The following ADCY5 variants were observed in gnomAD, a reference collection of about 807,000 sequenced individuals.
The protein encoded by ADCY5 is adenylate cyclase 5.
In ADCY5, 30 loss-of-function variants were observed where a neutral mutation model predicts 119.7. That is an observed-to-expected ratio of 0.25 (90% CI 0.19 to 0.34). The LOEUF is 0.34. ADCY5 is among the 10% of genes least tolerant of loss of function. The probability of loss-of-function intolerance (pLI) is 1.00; values close to 1 mark genes in which losing one functional copy is unlikely to be tolerated. For synonymous variants in ADCY5, 753 were observed against 762.2 expected (o/e 0.99, Z 0.20); for missense variants, 1,324 against 1,775.2 (o/e 0.75, Z 4.57).
intron 4 of ADCY5, among the ~76,000 whole-genome samples, chr3:123,332,203 T>C (rs1052450746): frequency 1.3e-5 from 2 of 152,254 alleles, no homozygotes; most frequent in Admixed American, 6.5e-5. Flanking sequence ...GGAATGTAGC[T>C]TGATGGCCCC....
chr3:123,337,261 C>A (rs1942067553), intron 3 of ADCY5, among the ~76,000 whole-genome samples: 1 of 152,180 alleles, frequency 6.6e-6, no homozygotes, highest in Admixed American at 6.5e-5. Flanking sequence ...TACGACCCAG[C>A]CCTTAGGAAA....
chr3:123,285,623 T>G (rs915930548), intron 20 of ADCY5, among the ~76,000 whole-genome samples: 5 of 152,208 alleles, frequency 3.3e-5, no homozygotes, highest in Non-Finnish European at 5.9e-5. Context: ...ACTGTGTTAC[T>G]AGCTGCAGTT....
intron 1 of ADCY5, among the ~76,000 whole-genome samples, chr3:123,422,685 C>T (rs992980155): frequency 1.3e-5 from 2 of 152,210 alleles, no homozygotes; most frequent in African/African-American, 4.8e-5. Context: ...AGCCAGAATG[C>T]CCAGCTGTAA....
intron 14 of ADCY5, 62 bp from the exon 15 acceptor site, chr3:123,300,357 C>A: frequency 6.4e-7 from 1 of 1,551,054 alleles, no homozygotes; most frequent in East Asian, 2.3e-5. Flanking sequence ...GCCCTGGCCC[C>A]ATGCATCCTC....
At chr3:123,373,937 A>G (rs1332929036) in intron 1 of ADCY5, among the ~76,000 whole-genome samples, 1 of 152,184 alleles carries the variant, frequency 6.6e-6, no homozygotes, top group East Asian at 1.9e-4. Flanking sequence ...TCGATGGAGA[A>G]GTTTCTAGTG....
chr3:123,319,303 A>G (rs566554564), intron 10 of ADCY5, among the ~76,000 whole-genome samples: 1 of 150,868 alleles, frequency 6.6e-6, no homozygotes, highest in Non-Finnish European at 1.5e-5. Flanking sequence ...GCAGTGAGCC[A>G]AGATCAAGCC....
chr3:123,303,237 G>T lies in ADCY5; in HGVS notation c.2560-18C>A, dbSNP rs774125403. The T allele has an allele frequency of 1.1e-5, 18 of 1,608,852 alleles. No homozygotes were observed. The South Asian group carries it at 1.9e-4, about 17-fold the overall frequency. ...CACGTGAACTGGGGGGAGGAAGGAG[G>T]GTGATGAGGGGAGGGTAAGCTGCTG... On this transcript the variant is annotated intron_variant, in intron 13 of 20. Transcript: ENST00000462833.
In ADCY5 at chr3:123,289,682, G is replaced by C. The variant is rs576938036; in HGVS notation, c.3532+68C>G. 2.8e-5 allele frequency: 44 copies of C among 1,562,154 alleles called. 1 individual carries two copies. The African/African-American group carries it at 4.9e-4, about 17-fold the overall frequency. ...CAATGGCGGATGCGGTATGGGGTATGGGGGAGCCCCTGCCAGCCCTCTGCC... is the reference window on the plus strand; with the variant it reads ...CAATGGCGGATGCGGTATGGGGTATCGGGGAGCCCCTGCCAGCCCTCTGCC... On this transcript the variant is annotated intron_variant, in intron 19 of 20. Transcript: ENST00000462833.
At position 123,303,155 on chromosome 3, in the gene ADCY5, T is replaced by G. The variant is rs117121840; in HGVS notation, c.2624A>C (p.Gln875Pro). Reference protein sequence around the residue: ...LAQEHNISASQVNACHVAESA... With the variant: ...LAQEHNISASPVNACHVAESA... ...CTCCGCCACGTGACACGCGTTGACC[T>G]GGCTCGCGCTGATGTTGTGCTCCTG... The change falls in exon 14 of 21, where the codon CAG (glutamine) becomes CCG (proline). Residue 875 changes from glutamine (Q) to proline (P), a missense_variant. Transcript: ENST00000462833. 6.2e-7 allele frequency: 1 copy of G among 1,613,896 alleles called. No homozygotes were observed. The highest frequency in any genetic ancestry group is 1.3e-5 in the African/African-American group (1 of 75,058).
rs1054565666 is a variant in ADCY5, at chr3:123,282,321, A to T, written c.*2287T>A. On this transcript the variant is annotated 3_prime_UTR_variant, in exon 21 of 21. Transcript: ENST00000462833. ...TTACCAGTGAAAGTGTTTAATAGTT[A>T]AATTATTTAAATAGACTTTTCAATT... 9 of 152,276 alleles carry T rather than the reference A, an allele frequency of 5.9e-5. No homozygotes were observed. The highest frequency in any genetic ancestry group is 2.9e-5 in the Non-Finnish European group (2 of 68,054). The allele number at this position is 152,276 out of a possible 1,614,324, so 9.4% of individuals were successfully genotyped here.
intron 3 of ADCY5, among the ~76,000 whole-genome samples, chr3:123,343,948 T>C (rs371500875): frequency 1.3e-5 from 2 of 152,336 alleles, no homozygotes; most frequent in African/African-American, 4.8e-5. Flanking sequence ...CCCTGGCCTC[T>C]GGCCTGCGTC....
chr3:123,407,165 A>C (rs1011886186), intron 1 of ADCY5, among the ~76,000 whole-genome samples: 3 of 151,772 alleles, frequency 2.0e-5, no homozygotes, highest in African/African-American at 4.8e-5. Flanking sequence ...AAGGCCACAT[A>C]CCCAGCCCCA....
At chr3:123,393,106 C>G (rs989786714) in intron 1 of ADCY5, among the ~76,000 whole-genome samples, 2 of 152,164 alleles carry the variant, frequency 1.3e-5, no homozygotes, top group Admixed American at 1.3e-4. Context: ...ACCTGCTGCC[C>G]CGACACACAC....
At chr3:123,385,307 A>ACACACACACACG (rs1231942064) in intron 1 of ADCY5, among the ~76,000 whole-genome samples, 2 of 151,206 alleles carry the variant, frequency 1.3e-5, no homozygotes, top group Non-Finnish European at 2.9e-5. Flanking sequence ...ACACACACAC[A>ACACACACACACG]CACGCACGCA....
chr3:123,356,343 T>C (rs79534883), intron 1 of ADCY5, among the ~76,000 whole-genome samples: 1,835 of 152,286 alleles, frequency 0.012, 26 homozygotes, highest in African/African-American at 0.04. Flanking sequence ...AAGGGCACCA[T>C]CAAGAATGTG....
intron 12 of ADCY5, among the ~76,000 whole-genome samples, chr3:123,313,315 G>A (rs1940694966): frequency 6.6e-6 from 1 of 152,316 alleles, no homozygotes; most frequent in East Asian, 1.9e-4. Context: ...GACTTTGGAG[G>A]GGATGAAGGT....
rs1939121721 is a variant in ADCY5 at position 123,291,163 on chromosome 3, C to T, written c.3277G>A (p.Gly1093Ser). 6.2e-7 allele frequency: 1 copy of T among 1,614,086 alleles called. No homozygotes were observed. The change falls in exon 18 of 21, where the codon GGT (glycine) becomes AGT (serine). Residue 1093 changes from glycine (G) to serine (S), a missense_variant. By Grantham distance (56) the Gly-to-Ser change is moderately conservative (BLOSUM62 0). This residue lies in a region of ADCY5 where 178 missense variants were observed against 329.6 expected (regional missense o/e 0.54). Transcript: ENST00000462833. ...TTGAGTAGCCGCAGGCACTCGACAC[C>T]CTCGTTGTTGGCCTCCAGCTCAACG... ...FYVELEANNE[G>S]VECLRLLNEI... is the part of the protein sequence containing the mutation.
At chr3:123,303,490 T>G (rs1939980201) in intron 13 of ADCY5, among the ~76,000 whole-genome samples, 1 of 152,120 alleles carries the variant, frequency 6.6e-6, no homozygotes, top group Admixed American at 6.5e-5. Flanking sequence ...CCCACCAGGC[T>G]TGAGAATGAA....
intron 1 of ADCY5, among the ~76,000 whole-genome samples, chr3:123,395,625 C>G (rs1287179333): frequency 6.6e-6 from 1 of 152,054 alleles, no homozygotes; most frequent in Non-Finnish European, 1.5e-5. Flanking sequence ...GTTACATAAT[C>G]CCAGCACTTT....
Sources: allele counts gnomAD v4.1 joint callset (sites outside exome capture counted in the v4.1 genomes callset), GRCh38; gene constraint gnomAD v4.1.1; regional missense constraint gnomAD v4.1.1; transcripts MANE v1.5; gene names NCBI Gene and HGNC (gene_info 2026-07-23, HGNC 2026-07-21).